The following JARID2 variants were observed in gnomAD, a reference collection of about 807,000 sequenced individuals.
JARID2 encodes the protein jumonji and AT-rich interaction domain containing 2, also known as protein Jumonji.
In JARID2, 21 loss-of-function variants were observed where a neutral mutation model predicts 125.6. That is an observed-to-expected ratio of 0.17 (90% CI 0.12 to 0.24). The LOEUF (loss-of-function observed/expected upper bound fraction) is 0.24, where lower values mean the gene tolerates loss of function less well. Among genes scored for constraint, JARID2 ranks in the 10% least tolerant of loss-of-function variants. JARID2 has a pLI of 1.00. For synonymous variants in JARID2, 736 were observed against 661.6 expected (o/e 1.11, Z -1.73); for missense variants, 1,303 against 1,639.6 (o/e 0.79, Z 3.55).
intron 2 of JARID2, among the ~76,000 whole-genome samples, chr6:15,404,384 C>G (rs1250848169): frequency 6.6e-6 from 1 of 151,944 alleles, no homozygotes. Flanking sequence ...TTTTTTTTCT[C>G]TTTGCAAAAC....
rs150851411 is a variant in JARID2 at position 15,460,680 on chromosome 6, T to TTTG, written c.494-7835_494-7833dup. ...CTGTAGTGGCTGTTAGAATGCTCAT[T>TTTG]TTGTTGTTGTTGTTGTTGTTGTTGT... On this transcript the variant is annotated intron_variant, in intron 4 of 17. Transcript: ENST00000341776. 4.3e-3 allele frequency among the ~76,000 whole-genome samples: 657 copies of TTTG among 151,092 alleles called. 2 individuals carry two copies. The highest frequency in any genetic ancestry group is 7.3e-3 in the Non-Finnish European group (498 of 67,764).
At chr6:15,249,757 C>T (rs1759367344) in intron 1 of JARID2, among the ~76,000 whole-genome samples, 1 of 152,126 alleles carries the variant, frequency 6.6e-6, no homozygotes, top group Non-Finnish European at 1.5e-5. Context: ...CGATAGTAGG[C>T]TTTGGGAGAA....
intron 1 of JARID2, among the ~76,000 whole-genome samples, chr6:15,289,256 G>T (rs1332504161): frequency 1.3e-5 from 2 of 152,176 alleles, no homozygotes; most frequent in African/African-American, 4.8e-5. Context: ...AAATAAAAAA[G>T]AATAATGAAA....
Position 15,513,395 on chromosome 6 carries a change from C to T in JARID2, c.3423C>T (p.Ile1141=). Residue 1141 remains isoleucine, a synonymous_variant, in exon 16 of 18, where the codon ATC becomes ATT. Coordinates refer to ENST00000341776, the MANE Select transcript of JARID2 (RefSeq NM_004973.4). ...QLETSERRCQ[I]CQHLCYLSMV... ...AGACGTCAGAGAGGAGGTGTCAGAT[C>T]TGCCAGCACCTGTGCTACCTGTCCA... 1.2e-6 allele frequency: 2 copies of T among 1,610,546 alleles called. No homozygotes were observed. The highest frequency in any genetic ancestry group is 1.1e-5 in the South Asian group (1 of 90,390).
chr6:15,246,756 G>C (rs1473131416), intron 1 of JARID2, among the ~76,000 whole-genome samples, 172 bp downstream of exon 1: 2 of 152,066 alleles, frequency 1.3e-5, no homozygotes, highest in African/African-American at 4.8e-5. Flanking sequence ...TGCCTAGTTT[G>C]GTTGAAAAAA....
intron 1 of JARID2, among the ~76,000 whole-genome samples, chr6:15,338,004 C>T (rs183530958): frequency 4.6e-5 from 7 of 152,280 alleles, no homozygotes; most frequent in East Asian, 1.9e-4. Context: ...CTCCACCTCA[C>T]GGAAGGACGC....
chr6:15,365,620 C>CT (rs111881842), intron 1 of JARID2, among the ~76,000 whole-genome samples: 16,993 of 145,464 alleles, frequency 0.12, 1,007 homozygotes, highest in African/African-American at 0.14. Context: ...TCAGCTGCAG[C>CT]TTTTTTTTTT....
chr6:15,254,748 A>G lies in JARID2; in HGVS notation c.45+8164A>G, dbSNP rs186781421. 3.0e-3 allele frequency among the ~76,000 whole-genome samples: 454 copies of G among 152,310 alleles called. 3 individuals carry two copies. Among genetic ancestry groups the G allele is most frequent in the African/African-American group, 0.011 (440 of 41,566 alleles). On this transcript the variant is annotated intron_variant, in intron 1 of 17. Transcript: ENST00000341776. ...TGCTCCTAGAAGGTTAACAAAATAC[A>G]TAGCCACAGGGCCGGGCGCGGTGGC...
intron 1 of JARID2, among the ~76,000 whole-genome samples, chr6:15,310,532 G>T (rs1761977584): frequency 6.6e-6 from 1 of 152,220 alleles, no homozygotes; most frequent in Non-Finnish European, 1.5e-5. Flanking sequence ...GCACAAGCTA[G>T]GCTGTGAATG....
intron 1 of JARID2, among the ~76,000 whole-genome samples, chr6:15,247,066 C>A (rs1015102405): frequency 1.3e-5 from 2 of 152,194 alleles, no homozygotes; most frequent in African/African-American, 4.8e-5. Context: ...ACTGGCACAT[C>A]AAATTTAATG....
intron 1 of JARID2, among the ~76,000 whole-genome samples, chr6:15,326,736 A>G (rs1035185017): frequency 7.2e-5 from 11 of 152,194 alleles, no homozygotes; most frequent in Admixed American, 2.6e-4. Flanking sequence ...CCTGGCCTAA[A>G]GTGATCAGTC....
At chr6:15,283,266 C>G (rs1166311697) in intron 1 of JARID2, among the ~76,000 whole-genome samples, 2 of 150,440 alleles carry the variant, frequency 1.3e-5, no homozygotes, top group Non-Finnish European at 2.9e-5. Context: ...GTGTGAGCCA[C>G]TGCGCCCGGC....
chr6:15,380,584 C>T lies in JARID2; in HGVS notation c.181+6332C>T, dbSNP rs187294393. On this transcript the variant is annotated intron_variant, in intron 2 of 17. Coordinates refer to ENST00000341776, the MANE Select transcript of JARID2 (RefSeq NM_004973.4). ...TTCTGGCTGGCTGGAACTCACTGGACGGATGGTGCATGGATGTTTTGGCAA... is the reference window on the plus strand; with the variant it reads ...TTCTGGCTGGCTGGAACTCACTGGATGGATGGTGCATGGATGTTTTGGCAA... Among the ~76,000 whole-genome samples the T allele has an allele frequency of 2.3e-3, 357 of 152,224 alleles. 1 individual carries two copies. The highest frequency in any genetic ancestry group is 7.8e-3 in the African/African-American group (323 of 41,538).
chr6:15,461,116 T>C (rs1768425795), intron 4 of JARID2, among the ~76,000 whole-genome samples: 1 of 152,216 alleles, frequency 6.6e-6, no homozygotes. Flanking sequence ...TTCAGTGAGA[T>C]GAAGCGAACC....
In JARID2 at chr6:15,521,097, A is replaced by AGG. The variant is rs1771824502; in HGVS notation, c.*846_*847insGG. The AGG allele has an allele frequency of 1.8e-5, 3 of 167,702 alleles. No homozygotes were observed. The highest frequency in any genetic ancestry group is 1.2e-4 in the South Asian group (1 of 8,646). The allele number at this position is 167,702 out of a possible 1,614,324, so 10.4% of individuals were successfully genotyped here. ...AAAAAAAAAAAAAAAAAAAAGGAAA[A>AGG]AAAAGTGATGGAAGCCGTAAGTGCT... On this transcript the variant is annotated 3_prime_UTR_variant, in exon 18 of 18. Transcript: ENST00000341776.
chr6:15,378,057 TTG>T, intron 2 of JARID2, among the ~76,000 whole-genome samples: 1 of 151,612 alleles, frequency 6.6e-6, no homozygotes, highest in South Asian at 2.1e-4. Context: ...GCTAATTTTT[TTG>T]TGTATTTTTA....
intron 1 of JARID2, among the ~76,000 whole-genome samples, chr6:15,260,580 C>A (rs1338710285): frequency 6.6e-6 from 1 of 152,180 alleles, no homozygotes; most frequent in Non-Finnish European, 1.5e-5. Flanking sequence ...TCAATATAAA[C>A]ACCATCAATT....
intron 6 of JARID2, among the ~76,000 whole-genome samples, chr6:15,493,623 C>T (rs1478057313): frequency 6.6e-6 from 1 of 152,136 alleles, no homozygotes; most frequent in Non-Finnish European, 1.5e-5. Context: ...AGAGCCCTTC[C>T]CCAAGGTCCT....
chr6:15,420,763 G>T (rs1303721215), intron 3 of JARID2, among the ~76,000 whole-genome samples: 1 of 152,188 alleles, frequency 6.6e-6, no homozygotes, highest in Non-Finnish European at 1.5e-5. Context: ...AGCATGGTTA[G>T]GTAGGGCCAA....
Sources: allele counts gnomAD v4.1 joint callset (sites outside exome capture counted in the v4.1 genomes callset), GRCh38; gene constraint gnomAD v4.1.1; transcripts MANE v1.5; gene names NCBI Gene and HGNC (gene_info 2026-07-23, HGNC 2026-07-21).